SLC30A9: variants seen among roughly 807,000 people sequenced by gnomAD.
SLC30A9 encodes the protein proton-coupled zinc antiporter SLC30A9, mitochondrial.
In SLC30A9, 58 loss-of-function variants were observed where a neutral mutation model predicts 87.5. The ratio of observed to expected loss-of-function variants is 0.66; its 90% CI spans 0.54 to 0.82. SLC30A9 has a LOEUF of 0.82. Ranked by LOEUF, SLC30A9 falls within the 40% of genes least tolerant of loss-of-function variation. SLC30A9 has a pLI of 0.00. For missense variants in SLC30A9, 557 were observed against 679.1 expected, an observed-to-expected ratio of 0.82 and a Z score of 2.00; for synonymous variants, 234 against 233.0, an observed-to-expected ratio of 1.00 and a Z score of -0.04.
chr4:42,082,326 T>A (rs983938582), intron 17 of SLC30A9, among the ~76,000 whole-genome samples: 8 of 152,218 alleles, frequency 5.3e-5, no homozygotes, highest in African/African-American at 1.9e-4. Flanking sequence ...AGGGAATGCA[T>A]GAATGTAATT....
Position 41,994,597 on chromosome 4 carries a change from A to C in SLC30A9, c.109+3837A>C, listed in dbSNP as rs192602480. 8.9e-3 allele frequency among the ~76,000 whole-genome samples: 1,352 copies of C among 151,972 alleles called. 22 individuals are homozygous for C. The highest frequency in any genetic ancestry group is 0.031 in the African/African-American group (1,299 of 41,466). ...TGCTAGTATTTATTGTCATAAGAAA[A>C]GTAGGCTGAGAATTTAACTTTTATC... is the stretch of plus-strand genomic sequence containing the variant. On this transcript the variant is annotated intron_variant, in intron 1 of 17. Transcript: ENST00000264451.
At chr4:42,023,228 G>T (rs1208246544) in intron 5 of SLC30A9, 74 bp from the exon 6 acceptor site, 6 of 1,008,992 alleles carry the variant, frequency 5.9e-6, no homozygotes, top group Non-Finnish European at 9.3e-6. Context: ...TCTCATTAGA[G>T]AATTTAGATT....
At chr4:42,034,912 C>T (rs1446675929) in intron 6 of SLC30A9, among the ~76,000 whole-genome samples, 1 of 152,038 alleles carries the variant, frequency 6.6e-6, no homozygotes, top group African/African-American at 2.4e-5. Flanking sequence ...AAAAAGGTTC[C>T]AGTTTTGACA....
intron 12 of SLC30A9, 147 bp from the exon 13 acceptor site, chr4:42,066,403 G>A: frequency 4.3e-6 from 2 of 467,552 alleles, no homozygotes; most frequent in Non-Finnish European, 7.7e-6. Flanking sequence ...ATGATTAATT[G>A]ATAACAACTA....
intron 7 of SLC30A9, 139 bp from the exon 8 acceptor site, chr4:42,038,847 A>G (rs1311381231): frequency 3.4e-6 from 2 of 586,430 alleles, no homozygotes; most frequent in Admixed American, 2.9e-5. Flanking sequence ...TTTCTAAACA[A>G]GAACTTCTAG....
Position 42,066,559 on chromosome 4 carries a change from T to C in SLC30A9, c.1082T>C (p.Leu361Pro), listed in dbSNP as rs746867948. 3.7e-6 allele frequency: 6 copies of C among 1,601,744 alleles called. No homozygotes were observed. The highest frequency in any genetic ancestry group is 5.1e-6 in the Non-Finnish European group (6 of 1,171,820). ...AATGCTTTTCTTTTAGCAACACTTCTTGTTGCTGTAAATGAACTTCGTAGG... is the reference window on the plus strand; with the variant it reads ...AATGCTTTTCTTTTAGCAACACTTCCTGTTGCTGTAAATGAACTTCGTAGG... Reference protein sequence around the residue: ...GSLVSEGATLLVAVNELRRNA... With the variant: ...GSLVSEGATLPVAVNELRRNA... Residue 361 changes from leucine (L) to proline (P), a missense_variant, in exon 13 of 18, where the codon CTT becomes CCT. Coordinates refer to ENST00000264451, the MANE Select transcript of SLC30A9 (RefSeq NM_006345.4).
Position 42,055,528 on chromosome 4 carries a change from A to G in SLC30A9, c.841-4663A>G, listed in dbSNP as rs528685529. On this transcript the variant is annotated intron_variant, in intron 9 of 17. Coordinates refer to ENST00000264451, the MANE Select transcript of SLC30A9 (RefSeq NM_006345.4). ...CAGCTTCCCGAATAGCTGGGACTAC[A>G]GGCGCCCGCCACCACGCCCGGCTAG... Among the ~76,000 whole-genome samples the G allele has an allele frequency of 1.3e-3, 202 of 152,318 alleles. 1 individual carries two copies. The highest frequency in any genetic ancestry group is 4.7e-3 in the African/African-American group (196 of 41,580).
chr4:42,065,218 G>A lies in SLC30A9; in HGVS notation c.1033-92G>A, dbSNP rs539014553. The A allele has an allele frequency of 4.2e-4, 302 of 724,176 alleles. 2 individuals are homozygous for A. The highest frequency in any genetic ancestry group is 2.9e-3 in the South Asian group (198 of 67,924). The allele number at this position is 724,176 out of a possible 1,614,324, so 44.9% of individuals were successfully genotyped here. On this transcript the variant is annotated intron_variant, in intron 11 of 17. Transcript: ENST00000264451. ...TACTGTCTGGCTTAAATTTGAATTC[G>A]TGTTTTTGTTTTAGACATTACGGAC...
intron 1 of SLC30A9, among the ~76,000 whole-genome samples, chr4:42,000,474 A>G (rs530492251): frequency 6.6e-6 from 1 of 152,186 alleles, no homozygotes; most frequent in Admixed American, 6.5e-5. Flanking sequence ...TAAAAAATAG[A>G]CACAAATGAC....
intron 6 of SLC30A9, among the ~76,000 whole-genome samples, chr4:42,028,393 A>G (rs545890282): frequency 1.3e-5 from 2 of 152,352 alleles, no homozygotes; most frequent in East Asian, 3.9e-4. Context: ...TGCTGGGATT[A>G]TAGGCATGAG....
intron 9 of SLC30A9, among the ~76,000 whole-genome samples, chr4:42,053,573 C>T (rs756714024): frequency 2.0e-4 from 31 of 151,690 alleles, no homozygotes; most frequent in South Asian, 2.1e-4. Context: ...CATGTAATCC[C>T]AGCTACTCGG....
At chr4:42,061,182 A>T (rs1255275089) in intron 10 of SLC30A9, among the ~76,000 whole-genome samples, 1 of 152,164 alleles carries the variant, frequency 6.6e-6, no homozygotes, top group East Asian at 1.9e-4. Flanking sequence ...GCCCAACAGA[A>T]TTTTCTGCAA....
intron 6 of SLC30A9, among the ~76,000 whole-genome samples, chr4:42,023,825 C>G (rs778059845): frequency 6.6e-6 from 1 of 152,142 alleles, no homozygotes; most frequent in Non-Finnish European, 1.5e-5. Context: ...AGCATACAAT[C>G]ATGGCGCAAG....
At position 42,022,938 on chromosome 4, in the gene SLC30A9, CAT is replaced by C. The variant is rs1328371608; in HGVS notation, c.527+10_527+11del. On this transcript the variant is annotated intron_variant, in intron 5 of 17. Coordinates refer to ENST00000264451, the MANE Select transcript of SLC30A9 (RefSeq NM_006345.4). ...ATCAGATGTGGAAGCAAAGTAAGAA[CAT>C]AGTTCTTTCAGAATAAAAGTGCAAA... 1 of 1,479,794 alleles carries C rather than the reference CAT, an allele frequency of 6.8e-7. No individual in the cohort carries two copies. The highest frequency in any genetic ancestry group is 1.4e-5 in the African/African-American group (1 of 71,372). The allele number at this position is 1,479,794 out of a possible 1,614,324, so 91.7% of individuals were successfully genotyped here. A position where few individuals can be genotyped will look rare whatever the true frequency, so the allele number is the denominator to read the frequency against.
chr4:42,047,386 AAAAC>A (rs1038203544), intron 8 of SLC30A9, among the ~76,000 whole-genome samples: 3 of 152,252 alleles, frequency 2.0e-5, no homozygotes, highest in Non-Finnish European at 2.9e-5. Context: ...ATTTACAAGA[AAAAC>A]AAACAACTGC....
At chr4:42,079,989 G>T (rs1718696265) in intron 17 of SLC30A9, among the ~76,000 whole-genome samples, 1 of 152,120 alleles carries the variant, frequency 6.6e-6, no homozygotes, top group Non-Finnish European at 1.5e-5. Flanking sequence ...TCACATTTTT[G>T]CAAAAGTCTC....
In SLC30A9 at chr4:42,063,906, C is replaced by A. The variant is rs1717973951; in HGVS notation, c.1032+785C>A. ...AGTTGTCTTGCATTTGGAAAGAATG[C>A]CCTTTGAGCAGCTGATCTCCTTATA... On this transcript the variant is annotated intron_variant, in intron 11 of 17. Transcript: ENST00000264451. Among the ~76,000 whole-genome samples the A allele has an allele frequency of 2.0e-5, 3 of 152,258 alleles. No homozygotes were observed. In the South Asian group the frequency reaches 6.2e-4, roughly 32 times the overall value.
At chr4:42,077,948 T>C (rs1156971678) in intron 16 of SLC30A9, among the ~76,000 whole-genome samples, 2 of 152,134 alleles carry the variant, frequency 1.3e-5, no homozygotes. Context: ...TTTTTTTTTC[T>C]TAAGGGAAAA....
intron 6 of SLC30A9, among the ~76,000 whole-genome samples, chr4:42,032,061 T>C (rs1716466353): frequency 6.6e-6 from 1 of 152,164 alleles, no homozygotes; most frequent in South Asian, 2.1e-4. Flanking sequence ...AACAGGTATC[T>C]TACATAGCAG....
Sources: gnomAD v4.1 joint callset for allele counts (sites outside exome capture counted in the v4.1 genomes callset) on GRCh38, gnomAD v4.1.1 for gene constraint, MANE v1.5 for transcripts, NCBI Gene and HGNC (gene_info 2026-07-23, HGNC 2026-07-21) for gene names.